The following GATAD1 variants were observed in gnomAD, a reference collection of about 807,000 sequenced individuals.
GATAD1 encodes the protein GATA zinc finger domain containing 1, also known as GATA zinc finger domain-containing protein 1.
Under a neutral mutation model 26.5 loss-of-function variants are expected in GATAD1, and 12 were observed. The observed-to-expected ratio is 0.45, with a 90% CI of 0.29 to 0.73. The LOEUF (loss-of-function observed/expected upper bound fraction) is 0.73, where lower values mean the gene tolerates loss of function less well. Among genes scored for constraint, GATAD1 ranks in the 30% least tolerant of loss-of-function variants. The pLI is 0.10. For missense variants in GATAD1, 266 were observed against 342.1 expected, an observed-to-expected ratio of 0.78 and a Z score of 1.75; for synonymous variants, 129 against 133.1, an observed-to-expected ratio of 0.97 and a Z score of 0.21.
the GATAD1 span, chr7:92,487,492 T>G: frequency 6.3e-7 from 1 of 1,596,580 alleles, no homozygotes; most frequent in South Asian, 1.1e-5. Flanking sequence ...GGTCGAAACA[T>G]TGTTCCACTT....
At chr7:92,452,798 C>T (rs960893228) in intron 3 of GATAD1, among the ~76,000 whole-genome samples, 2 of 152,224 alleles carry the variant, frequency 1.3e-5, no homozygotes, top group African/African-American at 4.8e-5. Flanking sequence ...TCTGCCTTTA[C>T]ACTATGAAAG....
the GATAD1 span, chr7:92,487,372 T>C: frequency 1.4e-6 from 1 of 734,930 alleles, no homozygotes; most frequent in Non-Finnish European, 2.4e-6. Context: ...TAAGAAGAAA[T>C]TCATAGACAC....
chr7:92,479,120 G>A, the GATAD1 span, among the ~76,000 whole-genome samples: 2 of 152,140 alleles, frequency 1.3e-5, no homozygotes, highest in Non-Finnish European at 2.9e-5. Context: ...GTCTGTACAG[G>A]GGAGCCTCTT....
the GATAD1 span, chr7:92,493,077 T>G: frequency 1.9e-6 from 3 of 1,612,896 alleles, no homozygotes; most frequent in Non-Finnish European, 2.5e-6. Context: ...GTCAACATCA[T>G]CTGCCAGAGG....
downstream of GATAD1, among the ~76,000 whole-genome samples, chr7:92,464,603 T>C (rs1381460155): frequency 6.6e-6 from 1 of 152,210 alleles, no homozygotes; most frequent in Non-Finnish European, 1.5e-5. Context: ...CATCTGTCCT[T>C]GTGTCTTGCA....
At chr7:92,455,171 A>G (rs982534371) in intron 4 of GATAD1, among the ~76,000 whole-genome samples, 1 of 152,176 alleles carries the variant, frequency 6.6e-6, no homozygotes, top group African/African-American at 2.4e-5. Context: ...GTACAAAAAA[A>G]TTAGAGAGCT....
the GATAD1 span, chr7:92,494,424 C>CA: frequency 2.5e-6 from 4 of 1,611,718 alleles, no homozygotes; most frequent in East Asian, 6.7e-5. Flanking sequence ...ATTTTTTTAC[C>CA]AAAATCTGAT....
At chr7:92,462,302 C>CA (rs954224110), downstream of GATAD1, among the ~76,000 whole-genome samples, 2 of 146,018 alleles carry the variant, frequency 1.4e-5, no homozygotes, top group African/African-American at 2.5e-5. Context: ...TTTAATAACG[C>CA]AAAAAAAAGT....
chr7:92,468,486 A>G, the GATAD1 span: 1 of 268,686 alleles, frequency 3.7e-6, no homozygotes, highest in Admixed American at 4.9e-5. Flanking sequence ...ACTTGGGTTT[A>G]TATCCCGATC....
chr7:92,455,770 T>G (rs1489292946), intron 4 of GATAD1, among the ~76,000 whole-genome samples: 1 of 152,212 alleles, frequency 6.6e-6, no homozygotes, highest in Non-Finnish European at 1.5e-5. Context: ...AATTCTAGCC[T>G]TCTGCTTATA....
At chr7:92,487,929 G>A in the GATAD1 span, among the ~76,000 whole-genome samples, 2 of 152,108 alleles carry the variant, frequency 1.3e-5, no homozygotes, top group African/African-American at 4.8e-5. Context: ...CAGGCAATTT[G>A]GCAATACATT....
chr7:92,470,559 C>T, the GATAD1 span: 4 of 536,024 alleles, frequency 7.5e-6, no homozygotes, highest in South Asian at 3.2e-5. Flanking sequence ...CCACTTTAAC[C>T]GCAGTTGGGG....
At chr7:92,467,134 A>G in the GATAD1 span, among the ~76,000 whole-genome samples, 3 of 152,166 alleles carry the variant, frequency 2.0e-5, no homozygotes, top group African/African-American at 4.8e-5. Context: ...CCTGGCCAAC[A>G]TGATGAAACC....
chr7:92,488,970 G>A, the GATAD1 span, among the ~76,000 whole-genome samples: 2 of 152,274 alleles, frequency 1.3e-5, no homozygotes, highest in South Asian at 4.1e-4. Context: ...CTGACCTCAG[G>A]TGATCCACCT....
At chr7:92,480,338 T>C in the GATAD1 span, among the ~76,000 whole-genome samples, 4 of 152,192 alleles carry the variant, frequency 2.6e-5, no homozygotes, top group Admixed American at 6.5e-5. Context: ...GTTTCCTGAC[T>C]CAGGGCATGT....
the GATAD1 span, chr7:92,471,738 G>A: frequency 6.6e-6 from 1 of 152,082 alleles, no homozygotes; most frequent in Non-Finnish European, 1.5e-5. Context: ...CACCTCTTTA[G>A]GTTTCTGTAC....
At chr7:92,464,856 C>T (rs568261543), downstream of GATAD1, among the ~76,000 whole-genome samples, 3 of 152,278 alleles carry the variant, frequency 2.0e-5, no homozygotes, top group South Asian at 4.1e-4. Flanking sequence ...TGTTGATGCC[C>T]TGAGCATCAG....
the GATAD1 span, chr7:92,491,566 A>C: frequency 2.2e-6 from 2 of 927,108 alleles, no homozygotes; most frequent in Non-Finnish European, 3.6e-6. Context: ...GAAATAAATA[A>C]TAACATAGAT....
intron 3 of GATAD1, among the ~76,000 whole-genome samples, chr7:92,451,039 A>T (rs138373889): frequency 8.2e-4 from 124 of 152,004 alleles, no homozygotes; most frequent in African/African-American, 2.9e-3. Flanking sequence ...TAAAATGCTG[A>T]TTGTATAGTG....
Sources: gnomAD v4.1 joint callset for allele counts (sites outside exome capture counted in the v4.1 genomes callset) on GRCh38, gnomAD v4.1.1 for gene constraint, MANE v1.5 for transcripts, NCBI Gene and HGNC (gene_info 2026-07-23, HGNC 2026-07-21) for gene names.